The following ARHGEF40 variants were observed in gnomAD, a reference collection of about 807,000 sequenced individuals.
ARHGEF40 encodes the protein Rho guanine nucleotide exchange factor 40, also known as Rho guanine nucleotide exchange factor (GEF) 40.
ARHGEF40 carries 98 observed loss-of-function variants against 165.9 expected under a neutral mutation model. The observed-to-expected ratio is 0.59, with a 90% CI of 0.50 to 0.70. The LOEUF (loss-of-function observed/expected upper bound fraction) is 0.70, where lower values mean the gene tolerates loss of function less well. Ranked by LOEUF, ARHGEF40 falls within the 30% of genes least tolerant of loss-of-function variation. The pLI, the probability that ARHGEF40 is intolerant of heterozygous loss-of-function variation, is 0.00. For synonymous variants in ARHGEF40, 792 were observed against 814.3 expected (o/e 0.97, Z 0.47); for missense variants, 1,815 against 1,968.0 (o/e 0.92, Z 1.47).
Position 21,074,870 on chromosome 14 carries a change from A to T in ARHGEF40, c.1140A>T (p.Arg380Ser). The change falls in exon 3 of 24, where the codon AGA (arginine) becomes AGT (serine). Residue 380 changes from arginine (R) to serine (S), a missense_variant. Arg to Ser is a moderately radical substitution (Grantham distance 110). Transcript: ENST00000298694. This position sits in a 1 kb window ranked among gnomAD's most constrained non-coding sequence, Gnocchi z 4.8. ...GTPRRTGKGNRRKKRAAGRGA... is the reference protein window; with the variant it reads ...GTPRRTGKGNSRKKRAAGRGA... The stretch of plus-strand genomic sequence containing the variant: ...CTCGGAGAACAGGCAAAGGAAACAG[A>T]AGAAAGAAGCGAGCTGCAGGTCGAG... 2 of 1,611,086 alleles carry T rather than the reference A, an allele frequency of 1.2e-6. No homozygotes were observed. The highest frequency in any genetic ancestry group is 1.7e-4 in the Middle Eastern group (1 of 6,026).
In ARHGEF40 at chr14:21,075,581, G is replaced by A. The variant is rs1050557644; in HGVS notation, c.1619-64G>A. 1 of 1,613,886 alleles carries A rather than the reference G, an allele frequency of 6.2e-7. No individual in the cohort carries two copies. The highest frequency in any genetic ancestry group is 8.5e-7 in the Non-Finnish European group (1 of 1,179,986). On this transcript the variant is annotated intron_variant, in intron 4 of 23. Coordinates refer to ENST00000298694, the MANE Select transcript of ARHGEF40 (RefSeq NM_018071.5). The surrounding 1 kb of genome is among the most constrained non-coding windows in gnomAD (Gnocchi z 4.5). ...TGGGCTTGGGGACTGGGGGAGGCAGGGTGGAAAGGAGGTAGGCATGGACTG... is the reference window on the plus strand; with the variant it reads ...TGGGCTTGGGGACTGGGGGAGGCAGAGTGGAAAGGAGGTAGGCATGGACTG...
At position 21,084,053 on chromosome 14, in the gene ARHGEF40, G is replaced by A. The variant is rs766824621; in HGVS notation, c.3789+3G>A. The stretch of plus-strand genomic sequence containing the variant: ...TGGAGGCGGTGCGTGGCTGTGAGGT[G>A]AGGCCCTAGCTCCAGTCACTGCTGC... On this transcript the variant is annotated splice_donor_region_variant and intron_variant, in intron 17 of 23. Transcript: ENST00000298694. 5 of 1,600,876 alleles carry A rather than the reference G, an allele frequency of 3.1e-6. No homozygotes were observed. The South Asian group carries it at 5.6e-5, about 18-fold the overall frequency.
chr14:21,079,115 G>C, intron 11 of ARHGEF40, 105 bp downstream of exon 11: 1 of 1,434,658 alleles, frequency 7.0e-7, no homozygotes, highest in South Asian at 1.4e-5. Flanking sequence ...GCCTGGCTTG[G>C]TTGAACGCCC....
intron 18 of ARHGEF40, among the ~76,000 whole-genome samples, chr14:21,085,471 C>G (rs1027052447): frequency 6.6e-6 from 1 of 152,182 alleles, no homozygotes; most frequent in South Asian, 2.1e-4. Flanking sequence ...CTGTGAGAAG[C>G]CTTTGTGGAA....
chr14:21,071,893 G>T (rs534041099), intron 1 of ARHGEF40, among the ~76,000 whole-genome samples: 12 of 152,316 alleles, frequency 7.9e-5, no homozygotes, highest in Non-Finnish European at 1.5e-4. Flanking sequence ...CCCGTCTCTG[G>T]AGTGGTTGCC....
intron 13 of ARHGEF40, chr14:21,081,247 A>C (rs1887866528): frequency 2.5e-6 from 2 of 807,570 alleles, no homozygotes; most frequent in East Asian, 2.7e-5. Flanking sequence ...ACACGAGGCA[A>C]TACATAAAAG....
chr14:21,082,010 G>A lies in ARHGEF40; in HGVS notation c.3142G>A (p.Val1048Ile), dbSNP rs1376416828. The A allele has an allele frequency of 3.2e-6, 5 of 1,576,028 alleles. No homozygotes were observed. The highest frequency in any genetic ancestry group is 4.3e-6 in the Non-Finnish European group (5 of 1,160,534). Residue 1048 changes from valine (V) to isoleucine (I), a missense_variant, in exon 14 of 24, where the codon GTA becomes ATA. Coordinates refer to ENST00000298694, the MANE Select transcript of ARHGEF40 (RefSeq NM_018071.5). ...CCTGGAGGTCACCAGCACTGAGGTGGTAGACAGGACGTGCTCACCACGGGA... is the reference window on the plus strand; with the variant it reads ...CCTGGAGGTCACCAGCACTGAGGTGATAGACAGGACGTGCTCACCACGGGA... The part of the protein sequence containing the change: ...RGLEVTSTEV[V>I]DRTCSPREHV...
At chr14:21,065,748 A>G (rs1886229089), upstream of ARHGEF40, among the ~76,000 whole-genome samples, 1 of 152,222 alleles carries the variant, frequency 6.6e-6, no homozygotes, top group Non-Finnish European at 1.5e-5. Context: ...GAAGGAAAGA[A>G]GAGCAAAAAG....
intron 21 of ARHGEF40, 145 bp from the exon 22 acceptor site, chr14:21,087,823 G>C (rs1888481202): frequency 2.8e-6 from 3 of 1,087,902 alleles, no homozygotes; most frequent in Non-Finnish European, 4.1e-6. Flanking sequence ...CCTCTTGGTA[G>C]GGGGTTCCCT....
intron 9 of ARHGEF40, 45 bp from the exon 10 acceptor site, chr14:21,078,328 G>C: frequency 6.2e-7 from 1 of 1,600,506 alleles, no homozygotes. Context: ...CTGGGGTGGA[G>C]ACTCTCTGGT....
rs527700988 is a variant in ARHGEF40 at position 21,087,007 on chromosome 14, G to A, written c.4145G>A (p.Arg1382Gln). Reference sequence around the variant, plus strand: ...AAGTGTCCCTATTCCCCAGAGCTCCGAGTGCAGCAGATGGTGTCCATGGGC... The same window carrying A: ...AAGTGTCCCTATTCCCCAGAGCTCCAAGTGCAGCAGATGGTGTCCATGGGC... The part of the protein sequence containing the change: ...WRQAAHNKEL[R>Q]VQQMVSMGIG... Residue 1382 changes from arginine to glutamine, a missense_variant, in exon 20 of 24, where the codon CGA becomes CAA. Arg to Gln is a conservative substitution (Grantham distance 43). Transcript: ENST00000298694. The A allele has an allele frequency of 2.8e-5, 45 of 1,598,870 alleles. 1 individual carries two copies. Among genetic ancestry groups the A allele is most frequent in the South Asian group, 1.1e-4 (10 of 88,376 alleles).
rs762280983 is a variant in ARHGEF40, at chr14:21,081,502, T to G, written c.2641-7T>G. 6.2e-7 allele frequency: 1 copy of G among 1,612,538 alleles called. No homozygotes were observed. Among genetic ancestry groups the G allele is most frequent in the Non-Finnish European group, 8.5e-7 (1 of 1,179,812 alleles). On this transcript the variant is annotated splice_region_variant and splice_polypyrimidine_tract_variant and intron_variant, in intron 13 of 23. Transcript: ENST00000298694. ...CTCTCCCATCCCCAACCCCTTTGAC[T>G]TCGTAGGCACATGAATGGGTGGATG...
At position 21,078,473 on chromosome 14, in the gene ARHGEF40, C is replaced by T; in HGVS notation, c.2231C>T (p.Ser744Phe). Residue 744 changes from serine to phenylalanine, a missense_variant, in exon 10 of 24, where the codon TCC becomes TTC. Physicochemically the swap from Ser to Phe is radical, Grantham distance 155. Transcript: ENST00000298694. ...DGGAILMRLR[S>F]TPSSKLEGQG... Reference sequence around the variant, plus strand: ...GGGGCCATCCTGATGAGGCTGCGCTCCACTCCCAGCAGCAAGTACGAAGTA... The same window carrying T: ...GGGGCCATCCTGATGAGGCTGCGCTTCACTCCCAGCAGCAAGTACGAAGTA... 1 of 1,592,448 alleles carries T rather than the reference C, an allele frequency of 6.3e-7. No individual in the cohort carries two copies. Among genetic ancestry groups the T allele is most frequent in the Non-Finnish European group, 8.6e-7 (1 of 1,168,098 alleles).
Position 21,086,994 on chromosome 14 carries a change from T to A in ARHGEF40, c.4139-7T>A. 6.3e-7 allele frequency: 1 copy of A among 1,593,076 alleles called. No individual in the cohort carries two copies. Among genetic ancestry groups the A allele is most frequent in the East Asian group, 2.3e-5 (1 of 44,376 alleles). ...AGAAGTTGGTAACAAGTGTCCCTATTCCCCAGAGCTCCGAGTGCAGCAGAT... is the reference window on the plus strand; with the variant it reads ...AGAAGTTGGTAACAAGTGTCCCTATACCCCAGAGCTCCGAGTGCAGCAGAT... On this transcript the variant is annotated splice_region_variant and splice_polypyrimidine_tract_variant and intron_variant, in intron 19 of 23. Transcript: ENST00000298694.
chr14:21,077,602 G>A (rs55982777), intron 8 of ARHGEF40, among the ~76,000 whole-genome samples: 384 of 152,144 alleles, frequency 2.5e-3, no homozygotes, highest in Non-Finnish European at 4.1e-3. Flanking sequence ...TTCTGTATCC[G>A]CTCCTTGCAC....
chr14:21,076,968 G>A, intron 8 of ARHGEF40, 78 bp downstream of exon 8: 1 of 1,255,370 alleles, frequency 8.0e-7, no homozygotes, highest in Admixed American at 1.8e-5. Flanking sequence ...GAGAGGCCAT[G>A]TCCAGGACAT....
At chr14:21,071,286 G>C (rs1886821952) in intron 1 of ARHGEF40, among the ~76,000 whole-genome samples, 2 of 152,150 alleles carry the variant, frequency 1.3e-5, no homozygotes, top group Non-Finnish European at 2.9e-5. Context: ...CTGAAGCACC[G>C]CTGCGAGAGT....
At chr14:21,069,569 C>A (rs373660597), upstream of ARHGEF40, among the ~76,000 whole-genome samples, 12 of 152,368 alleles carry the variant, frequency 7.9e-5, no homozygotes, top group East Asian at 1.5e-3. Flanking sequence ...GAACCCTGCC[C>A]CCTTGGCCAG....
chr14:21,087,482 G>C lies in ARHGEF40; in HGVS notation c.4387+19G>C. The C allele has an allele frequency of 6.3e-7, 1 of 1,599,526 alleles. No homozygotes were observed. The highest frequency in any genetic ancestry group is 1.1e-5 in the South Asian group (1 of 91,052). ...TCCCTGGGTGAGGCACCTCTCAAGGGGTGGCTCCCAACAGCTCGGTCATGG... is the reference window on the plus strand; with the variant it reads ...TCCCTGGGTGAGGCACCTCTCAAGGCGTGGCTCCCAACAGCTCGGTCATGG... On this transcript the variant is annotated intron_variant, in intron 21 of 23. Transcript: ENST00000298694.
Sources: gnomAD v4.1 joint callset for allele counts (sites outside exome capture counted in the v4.1 genomes callset) on GRCh38, gnomAD v4.1.1 for gene constraint, Gnocchi (gnomAD v3.1) non-coding constraint, MANE v1.5 for transcripts, NCBI Gene and HGNC (gene_info 2026-07-23, HGNC 2026-07-21) for gene names.